The following SIDT2 variants were observed in gnomAD, a reference collection of about 807,000 sequenced individuals.
SIDT2 encodes the protein SID1 transmembrane family member 2, also known as SID1 transmembrane family, member 2.
In SIDT2, 68 loss-of-function variants were observed where a neutral mutation model predicts 114.4. The ratio of observed to expected loss-of-function variants is 0.59; its 90% CI spans 0.49 to 0.73. The LOEUF is 0.73. SIDT2 is among the 30% of genes least tolerant of loss of function. The probability of loss-of-function intolerance (pLI) is 0.00; values close to 1 mark genes in which losing one functional copy is unlikely to be tolerated. For synonymous variants in SIDT2, 470 were observed against 438.4 expected (o/e 1.07, Z -0.90); for missense variants, 918 against 1,097.1 (o/e 0.84, Z 2.31).
intron 1 of SIDT2, among the ~76,000 whole-genome samples, chr11:117,180,114 G>A (rs1294833798): frequency 1.3e-5 from 2 of 152,206 alleles, no homozygotes; most frequent in Non-Finnish European, 2.9e-5. Flanking sequence ...CTAGACCCCA[G>A]GCAGAGCTGA....
At chr11:117,187,147 C>T in intron 10 of SIDT2, 4 of 1,218,608 alleles carry the variant, frequency 3.3e-6, no homozygotes, top group South Asian at 1.3e-5. Context: ...TGAACTTTCT[C>T]TCTCCTTAGG....
intron 8 of SIDT2, among the ~76,000 whole-genome samples, chr11:117,185,655 A>G (rs2030464228): frequency 1.3e-5 from 2 of 152,088 alleles, no homozygotes; most frequent in South Asian, 4.1e-4. Context: ...AGGCAGGGAA[A>G]TTGCTTGAAG....
chr11:117,180,263 G>T (rs565225107), intron 1 of SIDT2, among the ~76,000 whole-genome samples: 1 of 152,266 alleles, frequency 6.6e-6, no homozygotes, highest in South Asian at 2.1e-4. Flanking sequence ...GGAGTGGTTT[G>T]GTTTCTGTGG....
chr11:117,183,685 A>G (rs2134249953), intron 6 of SIDT2, 94 bp from the exon 7 acceptor site: 1 of 934,072 alleles, frequency 1.1e-6, no homozygotes, highest in Non-Finnish European at 1.7e-6. Flanking sequence ...ATATCTATGA[A>G]GAATTTAGCA....
chr11:117,194,980 G>A (rs183944575), intron 24 of SIDT2, among the ~76,000 whole-genome samples: 60 of 150,398 alleles, frequency 4.0e-4, no homozygotes, highest in African/African-American at 1.2e-3. Context: ...CCAGCTACTC[G>A]GGAGGCAGAG....
Position 117,179,215 on chromosome 11 carries a change from TCGCCGCCGCCGC to T in SIDT2, c.-44_-33del, listed in dbSNP as rs746735121. The T allele has an allele frequency of 3.2e-6, 5 of 1,574,628 alleles. No homozygotes were observed. The South Asian group carries it at 4.6e-5, about 14-fold the overall frequency. ...CGTCCCGGAGGTGTCCTGTCTCCTG[TCGCCGCCGCCGC>T]CGCCACCACCGCTGCCACTGCCGCC... On this transcript the variant is annotated 5_prime_UTR_variant, in exon 1 of 26. Transcript: ENST00000324225.
intron 8 of SIDT2, 92 bp downstream of exon 8, chr11:117,184,231 A>C: frequency 7.9e-7 from 1 of 1,269,228 alleles, no homozygotes. Context: ...GAAGTGGGTG[A>C]TGAGGATGCA....
Position 117,186,603 on chromosome 11 carries a change from C to T in SIDT2, c.982C>T (p.Leu328=). 6.4e-7 allele frequency: 1 copy of T among 1,570,920 alleles called. No individual in the cohort carries two copies. The highest frequency in any genetic ancestry group is 8.6e-7 in the Non-Finnish European group (1 of 1,162,194). The stretch of plus-strand genomic sequence containing the variant: ...ATGCAGGCAGAAGAAGAAGACCCTG[C>T]TGGTGGCCATTGACCGAGCCTGCCC... ...ENWRQKKKTL[L]VAIDRACPES... Residue 328 remains leucine, a synonymous_variant, in exon 10 of 26, where the codon CTG becomes TTG. Coordinates refer to ENST00000324225, the MANE Select transcript of SIDT2 (RefSeq NM_001040455.2).
chr11:117,193,286 G>A, intron 23 of SIDT2, 28 bp downstream of exon 23: 1 of 1,568,342 alleles, frequency 6.4e-7, no homozygotes, highest in Non-Finnish European at 8.8e-7. Context: ...AGCCCCCTCT[G>A]TCAGCTGCTC....
chr11:117,189,087 G>T (rs2030607094), intron 13 of SIDT2, 82 bp from the exon 14 acceptor site: 4 of 1,404,034 alleles, frequency 2.8e-6, no homozygotes, highest in African/African-American at 2.8e-5. Flanking sequence ...TGTGAGGGAG[G>T]CCCCTCTTGT....
chr11:117,182,220 G>C (rs1488926025), intron 4 of SIDT2, 115 bp downstream of exon 4: 1 of 1,218,602 alleles, frequency 8.2e-7, no homozygotes, highest in African/African-American at 1.5e-5. Context: ...CTCCATGGAG[G>C]GCTCTCTGGA....
chr11:117,184,194 T>C (rs757797588), intron 8 of SIDT2, 55 bp downstream of exon 8: 19 of 1,564,042 alleles, frequency 1.2e-5, no homozygotes, highest in Non-Finnish European at 1.6e-5. Context: ...GCTCCTGCTT[T>C]CAGACCTGGG....
intron 18 of SIDT2, chr11:117,191,614 G>A: frequency 2.1e-6 from 1 of 473,006 alleles, no homozygotes; most frequent in Non-Finnish European, 3.7e-6. Flanking sequence ...CCTGATCTCA[G>A]GGTGCTCACA....
intron 1 of SIDT2, chr11:117,179,701 T>C (rs2030189312): frequency 2.1e-6 from 1 of 484,362 alleles, no homozygotes; most frequent in Non-Finnish European, 3.7e-6. Flanking sequence ...CTTCCATCAG[T>C]TGTGGTCTGA....
Position 117,196,269 on chromosome 11 carries a change from C to T in SIDT2, c.*203C>T. 1 of 662,448 alleles carries T rather than the reference C, an allele frequency of 1.5e-6. No individual in the cohort carries two copies. The highest frequency in any genetic ancestry group is 1.9e-5 in the South Asian group (1 of 52,054). 41.0% of individuals were successfully genotyped at this position (662,448 alleles called of 1,614,324 possible). On this transcript the variant is annotated 3_prime_UTR_variant, in exon 26 of 26. Coordinates refer to ENST00000324225, the MANE Select transcript of SIDT2 (RefSeq NM_001040455.2). The surrounding 1 kb of genome is among the most constrained non-coding windows in gnomAD (Gnocchi z 4.9). ...CTTGCAGCTGCCCTCTGCCGAGGAG[C>T]AGGCCTGCTCCCCTGGAACCCCCAG...
chr11:117,180,188 A>G (rs2030223300), intron 1 of SIDT2, among the ~76,000 whole-genome samples: 2 of 152,228 alleles, frequency 1.3e-5, no homozygotes, highest in East Asian at 3.9e-4. Flanking sequence ...CTCTCTCTCC[A>G]TGACTGCCGT....
intron 24 of SIDT2, among the ~76,000 whole-genome samples, chr11:117,194,339 A>C (rs1241527853): frequency 6.6e-6 from 1 of 152,082 alleles, no homozygotes; most frequent in Non-Finnish European, 1.5e-5. Flanking sequence ...ATTTGGGAAC[A>C]CCTACCATAG....
chr11:117,188,325 C>A lies in SIDT2; in HGVS notation c.1160-383C>A. 1 of 319,624 alleles carries A rather than the reference C, an allele frequency of 3.1e-6. No homozygotes were observed. Among genetic ancestry groups the A allele is most frequent in the South Asian group, 3.2e-5 (1 of 31,384 alleles). The allele number at this position is 319,624 out of a possible 1,614,324, so 19.8% of individuals were successfully genotyped here. The stretch of plus-strand genomic sequence containing the variant: ...AACCCAGTGGCAGCCAAGGCAGTGT[C>A]TTCTCAGAACCCACAGGGCTGGGCA... On this transcript the variant is annotated intron_variant, in intron 12 of 25. Coordinates refer to ENST00000324225, the MANE Select transcript of SIDT2 (RefSeq NM_001040455.2). This position sits in a 1 kb window ranked among gnomAD's most constrained non-coding sequence, Gnocchi z 4.0.
At chr11:117,181,283 G>A in intron 1 of SIDT2, 133 bp from the exon 2 acceptor site, 1 of 1,279,552 alleles carries the variant, frequency 7.8e-7, no homozygotes, top group South Asian at 1.4e-5. Flanking sequence ...AAGAGGCAGA[G>A]ATGACTCCCT....
Sources: allele counts gnomAD v4.1 joint callset (sites outside exome capture counted in the v4.1 genomes callset), GRCh38; gene constraint gnomAD v4.1.1; non-coding constraint Gnocchi (gnomAD v3.1); transcripts MANE v1.5; gene names NCBI Gene and HGNC (gene_info 2026-07-23, HGNC 2026-07-21).